The following CCDC88A variants were observed in gnomAD, a reference collection of about 807,000 sequenced individuals.
CCDC88A encodes coiled-coil and HOOK domain protein 88A, also known as girdin.
In CCDC88A, 54 loss-of-function variants were observed where a neutral mutation model predicts 234.3. That is an observed-to-expected ratio of 0.23 (90% CI 0.19 to 0.29). The LOEUF (loss-of-function observed/expected upper bound fraction) is 0.29. Ranked by LOEUF, CCDC88A falls within the 10% of genes least tolerant of loss-of-function variation. The pLI, the probability that CCDC88A is intolerant of heterozygous loss-of-function variation, is 1.00. For synonymous variants in CCDC88A, 753 were observed against 737.8 expected, an observed-to-expected ratio of 1.02 and a Z score of -0.33; for missense variants, 1,832 against 2,123.4, an observed-to-expected ratio of 0.86 and a Z score of 2.70.
intron 2 of CCDC88A, among the ~76,000 whole-genome samples, chr2:55,414,769 T>C (rs753982336): frequency 4.6e-5 from 7 of 152,030 alleles, no homozygotes; most frequent in Non-Finnish European, 7.4e-5. Context: ...AAAAAACTTA[T>C]ATAATAAGGT....
chr2:55,399,570 G>C (rs1026621194), intron 2 of CCDC88A: 1 of 150,824 alleles, frequency 6.6e-6, no homozygotes, highest in Non-Finnish European at 1.5e-5. Flanking sequence ...ACTGAACTGA[G>C]ATATGAGGAG....
At position 55,317,683 on chromosome 2, in the gene CCDC88A, T is replaced by C. The variant is rs768680199; in HGVS notation, c.3483A>G (p.Glu1161=). 1.4e-5 allele frequency: 22 copies of C among 1,613,648 alleles called. No homozygotes were observed. Among genetic ancestry groups the C allele is most frequent in the Non-Finnish European group, 1.8e-5 (21 of 1,179,698 alleles). ...SLYDSLIKDH[E]KLELLHERQA... ...GACGTTCATGAAGAAGTTCCAGCTT[T>C]TCATGATCTTTGATCAGAGAATCAT... Residue 1161 remains glutamate, a synonymous_variant, in exon 20 of 33, where the codon GAA becomes GAG. Coordinates refer to ENST00000436346, the MANE Select transcript of CCDC88A (RefSeq NM_001365480.1). This position sits in a 1 kb window ranked among gnomAD's most constrained non-coding sequence, Gnocchi z 4.2.
At chr2:55,379,037 C>T (rs761514067) in intron 3 of CCDC88A, among the ~76,000 whole-genome samples, 47 of 152,220 alleles carry the variant, frequency 3.1e-4, no homozygotes, top group African/African-American at 7.5e-4. Context: ...TGAACCACTG[C>T]GCCCGGCCTG....
At chr2:55,408,741 C>G (rs1680002627) in intron 2 of CCDC88A, among the ~76,000 whole-genome samples, 2 of 152,092 alleles carry the variant, frequency 1.3e-5, no homozygotes, top group South Asian at 2.1e-4. Flanking sequence ...ACTTATATTC[C>G]TCTACTTTCT....
intron 7 of CCDC88A, 80 bp from the exon 8 acceptor site, chr2:55,355,831 G>C (rs1006151363): frequency 3.4e-5 from 35 of 1,044,256 alleles, no homozygotes; most frequent in Admixed American, 4.5e-5. Context: ...CTAGGTCTAA[G>C]AATTGTACTG....
At position 55,295,711 on chromosome 2, in the gene CCDC88A, C is replaced by T. The variant is rs749349350; in HGVS notation, c.5437G>A (p.Glu1813Lys). 18 of 1,614,014 alleles carry T rather than the reference C, an allele frequency of 1.1e-5. No individual in the cohort carries two copies. Among genetic ancestry groups the T allele is most frequent in the Non-Finnish European group, 1.4e-5 (17 of 1,180,032 alleles). ...ATGCTTGTCCTTCGTGTAGTTCCTT[C>T]GGCAGTTGAGATCACGCTGCTTGCA... ...PRASSVISTAEGTTRRTSIHD... is the reference protein window; with the variant it reads ...PRASSVISTAKGTTRRTSIHD... The change falls in exon 31 of 33, where the codon GAA becomes AAA. Residue 1813 changes from glutamate to lysine, a missense_variant. Coordinates refer to ENST00000436346, the MANE Select transcript of CCDC88A (RefSeq NM_001365480.1).
In CCDC88A at chr2:55,328,375, T is replaced by A. The variant is rs1445510949; in HGVS notation, c.2916A>T (p.Lys972Asn). ...CTTCTAAAGCAGCAATTTTTTCTTC[T>A]TTTATTTCAAGAGACTTCTTAAGAG... ...ESTLKKSLEI[K>N]EEKIAALEAR... Residue 972 changes from lysine (K) to asparagine (N), a missense_variant, in exon 17 of 33, where the codon AAA becomes AAT. By Grantham distance (94) the Lys-to-Asn change is moderately conservative. Transcript: ENST00000436346. The surrounding 1 kb of genome is among the most constrained non-coding windows in gnomAD (Gnocchi z 4.3). The A allele has an allele frequency of 6.3e-7, 1 of 1,599,506 alleles. No individual in the cohort carries two copies.
At chr2:55,312,353 T>C in intron 23 of CCDC88A, 81 bp downstream of exon 23, 1 of 1,263,172 alleles carries the variant, frequency 7.9e-7, no homozygotes. Context: ...AAAATTAGCA[T>C]GAATTTTCTC....
chr2:55,354,108 C>CAGTAAAA (rs1670249271), intron 8 of CCDC88A, among the ~76,000 whole-genome samples: 1 of 150,784 alleles, frequency 6.6e-6, no homozygotes, highest in East Asian at 1.9e-4. Context: ...AGGAAAGGTA[C>CAGTAAAA]AGTAAAAATA....
intron 2 of CCDC88A, among the ~76,000 whole-genome samples, chr2:55,407,297 G>C (rs937275472): frequency 6.6e-6 from 1 of 151,936 alleles, no homozygotes; most frequent in African/African-American, 2.4e-5. Context: ...TTTAACATAA[G>C]GATTATGTTA....
chr2:55,404,069 T>C (rs1679165190), intron 2 of CCDC88A: 1 of 152,200 alleles, frequency 6.6e-6, no homozygotes, highest in Non-Finnish European at 1.5e-5. Flanking sequence ...TCCCATACTA[T>C]CAATTCAGTA....
rs1558656571 is a variant in CCDC88A at position 55,317,386 on chromosome 2, C to T, written c.3603-37G>A. 2.9e-6 allele frequency: 4 copies of T among 1,384,222 alleles called. No homozygotes were observed. The African/African-American group carries it at 5.9e-5, about 20-fold the overall frequency. 85.7% of individuals were successfully genotyped at this position (1,384,222 alleles called of 1,614,324 possible). On this transcript the variant is annotated intron_variant, in intron 20 of 32. Coordinates refer to ENST00000436346, the MANE Select transcript of CCDC88A (RefSeq NM_001365480.1). The surrounding 1 kb of genome is among the most constrained non-coding windows in gnomAD (Gnocchi z 4.2). ...AAAGGCATTTGGTTTATAATATTTA[C>T]AAAAAAGAAATTTTAGAAATGAAGG...
At chr2:55,307,567 C>T (rs1681760544) in intron 25 of CCDC88A, among the ~76,000 whole-genome samples, 1 of 152,028 alleles carries the variant, frequency 6.6e-6, no homozygotes, top group Non-Finnish European at 1.5e-5. Flanking sequence ...GTTGGTCAGG[C>T]TGGTCTCCAA....
Position 55,288,117 on chromosome 2 carries a change from TTA to T in CCDC88A, c.*3081_*3082del, listed in dbSNP as rs1216150399. ...TATTTGATTTGGTATTTAATAACAGTTATAAGTACAATGGTAGACACTGAAAA... is the reference window on the plus strand; with the variant it reads ...TATTTGATTTGGTATTTAATAACAGTTAAGTACAATGGTAGACACTGAAAA... On this transcript the variant is annotated 3_prime_UTR_variant, in exon 33 of 33. Coordinates refer to ENST00000436346, the MANE Select transcript of CCDC88A (RefSeq NM_001365480.1). 2 of 152,582 alleles carry T rather than the reference TTA, an allele frequency of 1.3e-5. No individual in the cohort carries two copies. The highest frequency in any genetic ancestry group is 2.9e-5 in the Non-Finnish European group (2 of 68,008). The allele number at this position is 152,582 out of a possible 1,614,324, so 9.5% of individuals were successfully genotyped here. A position where few individuals can be genotyped will look rare whatever the true frequency, so the allele number is the denominator to read the frequency against.
At chr2:55,360,947 T>C (rs1009004546) in intron 7 of CCDC88A, among the ~76,000 whole-genome samples, 36 of 152,082 alleles carry the variant, frequency 2.4e-4, no homozygotes, top group African/African-American at 8.4e-4. Flanking sequence ...AAATTAGCCA[T>C]GCGTGGTGGC....
rs1464359066 is a variant in CCDC88A at position 55,384,541 on chromosome 2, G to A, written c.273+4237C>T. Among the ~76,000 whole-genome samples, 14 of 29,488 alleles carry A rather than the reference G, an allele frequency of 4.7e-4. 2 individuals carry two copies. Among genetic ancestry groups the A allele is most frequent in the East Asian group, 1.5e-3 (4 of 2,674 alleles). The allele number at this position is 29,488 out of a possible 152,430, so 19.3% of individuals were successfully genotyped here. On this transcript the variant is annotated intron_variant, in intron 3 of 32. Coordinates refer to ENST00000436346, the MANE Select transcript of CCDC88A (RefSeq NM_001365480.1). ...AAATTATATATATATACATATATAC[G>A]TATATATGTGTATATATACACATAT...
In CCDC88A at chr2:55,395,013, T is replaced by C. The variant is rs145422502; in HGVS notation, c.165-6127A>G. ...GGTGCACGCCACCACACCTGGCTGA[T>C]TTTTGTATTTTTAGGAGAGATGGGT... On this transcript the variant is annotated intron_variant, in intron 2 of 32. Transcript: ENST00000436346. 3.9e-3 allele frequency among the ~76,000 whole-genome samples: 587 copies of C among 152,092 alleles called. 4 individuals carry two copies. The highest frequency in any genetic ancestry group is 0.013 in the African/African-American group (556 of 41,480).
Position 55,362,381 on chromosome 2 carries a change from T to C in CCDC88A, c.554A>G (p.Asp185Gly). The stretch of plus-strand genomic sequence containing the variant: ...CATATTTTTCAAGAGTGGTTCTATG[T>C]CCTCCTGCGACATATCAGTCACTTC... ...WMEVTDMSQEDIEPLLKNMAL... is the reference protein window; with the variant it reads ...WMEVTDMSQEGIEPLLKNMAL... Residue 185 changes from aspartate to glycine, a missense_variant, in exon 7 of 33, where the codon GAC becomes GGC. Transcript: ENST00000436346. 1.2e-6 allele frequency: 2 copies of C among 1,605,562 alleles called. No individual in the cohort carries two copies. Among genetic ancestry groups the C allele is most frequent in the Non-Finnish European group, 1.7e-6 (2 of 1,176,614 alleles).
At chr2:55,370,641 CAA>C (rs567431857) in intron 5 of CCDC88A, among the ~76,000 whole-genome samples, 2,280 of 47,536 alleles carry the variant, frequency 0.048, 117 homozygotes, top group African/African-American at 0.11. Flanking sequence ...AACTCTGTCT[CAA>C]AAAAAAAAAA....
Sources: allele counts gnomAD v4.1 joint callset (sites outside exome capture counted in the v4.1 genomes callset), GRCh38; gene constraint gnomAD v4.1.1; non-coding constraint Gnocchi (gnomAD v3.1); transcripts MANE v1.5; gene names NCBI Gene and HGNC (gene_info 2026-07-23, HGNC 2026-07-21).